Variants in WIPF3 observed in about 807,000 individuals in gnomAD.
WIPF3 encodes WAS/WASL interacting protein family member 3, also known as WAS/WASL-interacting protein family member 3.
A neutral mutation model predicts 38.9 loss-of-function variants in WIPF3; 33 were observed. The ratio of observed to expected loss-of-function variants is 0.85; its 90% CI spans 0.64 to 1.14. WIPF3 has a LOEUF of 1.14. WIPF3 is among the 50% of genes most tolerant of loss of function. WIPF3 has a pLI of 0.00. For synonymous variants in WIPF3, 324 were observed against 269.3 expected (o/e 1.20, Z -1.99); for missense variants, 711 against 652.5 (o/e 1.09, Z -0.98).
chr7:29,831,101 C>T (rs73686236), intron 1 of WIPF3, among the ~76,000 whole-genome samples: 3,871 of 152,264 alleles, frequency 0.025, 142 homozygotes, highest in African/African-American at 0.079. Context: ...AAGTGCTCCT[C>T]TCTCAGTCTG....
chr7:29,841,544 CT>C (rs1329617186), intron 2 of WIPF3, among the ~76,000 whole-genome samples: 1 of 152,216 alleles, frequency 6.6e-6, no homozygotes, highest in African/African-American at 2.4e-5. Flanking sequence ...GGCACAGTGG[CT>C]CAAGCCTGTA....
At position 29,868,546 on chromosome 7, in the gene WIPF3, A is replaced by C. The variant is rs903006019; in HGVS notation, c.91-7284A>C. Among the ~76,000 whole-genome samples the C allele has an allele frequency of 2.6e-5, 4 of 151,736 alleles. No homozygotes were observed. In the East Asian group the frequency reaches 5.8e-4, roughly 22 times the overall value. ...TATATATATATATATACACACACAT[A>C]CACAAATATATTAAATATATGTACA... On this transcript the variant is annotated intron_variant, in intron 2 of 8. Coordinates refer to ENST00000242140, the MANE Select transcript of WIPF3 (RefSeq NM_001080529.3).
intron 3 of WIPF3, among the ~76,000 whole-genome samples, chr7:29,877,078 A>G (rs1011213778): frequency 1.3e-5 from 2 of 152,250 alleles, no homozygotes; most frequent in Admixed American, 6.5e-5. Flanking sequence ...AATGATGAAG[A>G]TGACGTTAAC....
chr7:29,862,735 A>C (rs961814738), intron 2 of WIPF3, among the ~76,000 whole-genome samples: 2 of 152,156 alleles, frequency 1.3e-5, no homozygotes, highest in African/African-American at 2.4e-5. Context: ...TTATTTCTTT[A>C]TTTATCACAC....
intron 2 of WIPF3, among the ~76,000 whole-genome samples, chr7:29,845,921 G>T (rs552936616): frequency 1.2e-4 from 18 of 152,296 alleles, no homozygotes; most frequent in Admixed American, 1.1e-3. Context: ...TTTTCCATTT[G>T]CCGTGAGCCT....
intron 2 of WIPF3, among the ~76,000 whole-genome samples, chr7:29,867,784 C>A (rs916141944): frequency 6.6e-6 from 1 of 152,118 alleles, no homozygotes; most frequent in Non-Finnish European, 1.5e-5. Flanking sequence ...TGAATCAGGG[C>A]TGAAATGTGA....
At position 29,823,736 on chromosome 7, in the gene WIPF3, C is replaced by T. The variant is rs1443339785; in HGVS notation, c.-57-10932C>T. 6.6e-6 allele frequency among the ~76,000 whole-genome samples: 1 copy of T among 152,132 alleles called. No individual in the cohort carries two copies. Among genetic ancestry groups the T allele is most frequent in the African/African-American group, 2.4e-5 (1 of 41,420 alleles). ...GCGGTTTCTCATTATTGGTTTAGTG[C>T]CATCCCCTCATCGTTGCTCTTGTGA... On this transcript the variant is annotated intron_variant, in intron 1 of 8. Transcript: ENST00000242140. This position sits in a 1 kb window ranked among gnomAD's most constrained non-coding sequence, Gnocchi z 4.0.
chr7:29,873,937 C>T (rs1015423736), intron 2 of WIPF3, among the ~76,000 whole-genome samples: 6 of 152,270 alleles, frequency 3.9e-5, no homozygotes, highest in African/African-American at 1.4e-4. Flanking sequence ...CTGGTTTGTC[C>T]TTTTTTAAAC....
chr7:29,811,654 A>G (rs1784381030), intron 1 of WIPF3, among the ~76,000 whole-genome samples: 1 of 152,162 alleles, frequency 6.6e-6, no homozygotes, highest in African/African-American at 2.4e-5. Flanking sequence ...TGTTCAATGC[A>G]CTCACTGTTG....
rs780671399 is a variant in WIPF3 at position 29,904,373 on chromosome 7, C to A, written c.1428+11C>A. 1.2e-6 allele frequency: 2 copies of A among 1,613,096 alleles called. No homozygotes were observed. The highest frequency in any genetic ancestry group is 1.1e-5 in the South Asian group (1 of 91,046). ...GGCAGAAATTCTCAGGTAACACAAGCCTCATGTCTCTGAATGTAAAACCAG... is the reference window on the plus strand; with the variant it reads ...GGCAGAAATTCTCAGGTAACACAAGACTCATGTCTCTGAATGTAAAACCAG... On this transcript the variant is annotated intron_variant, in intron 8 of 8. Transcript: ENST00000242140.
intron 2 of WIPF3, among the ~76,000 whole-genome samples, chr7:29,861,146 G>C (rs1785267812): frequency 6.6e-6 from 1 of 152,078 alleles, no homozygotes; most frequent in African/African-American, 2.4e-5. Context: ...GCTCATTCCT[G>C]AGCCTCACCA....
chr7:29,898,065 C>T (rs79801817), intron 7 of WIPF3, among the ~76,000 whole-genome samples: 1,631 of 152,286 alleles, frequency 0.011, 34 homozygotes, highest in East Asian at 0.056. Context: ...CCCAGGCTTT[C>T]TCCCCTCAGC....
At chr7:29,890,366 AAAAAAAG>A (rs764499519) in intron 7 of WIPF3, among the ~76,000 whole-genome samples, 26 of 81,966 alleles carry the variant, frequency 3.2e-4, no homozygotes, top group African/African-American at 8.1e-4. Context: ...AAAAAAAAAA[AAAAAAAG>A]AGAGAGAGAG....
chr7:29,856,471 T>TA lies in WIPF3; in HGVS notation c.91-19352dup, dbSNP rs1418434818. Reference sequence around the variant, plus strand: ...AATGAGATCTCATCTCTACAAAAAATAAAAAAATTAGCCGAGCATGTTGGT... The same window carrying TA: ...AATGAGATCTCATCTCTACAAAAAATAAAAAAAATTAGCCGAGCATGTTGGT... On this transcript the variant is annotated intron_variant, in intron 2 of 8. Transcript: ENST00000242140. Among the ~76,000 whole-genome samples the TA allele has an allele frequency of 3.3e-5, 5 of 151,940 alleles. No individual in the cohort carries two copies. In the East Asian group the frequency reaches 9.6e-4, roughly 29 times the overall value.
intron 2 of WIPF3, among the ~76,000 whole-genome samples, chr7:29,855,219 C>A (rs892656962): frequency 2.0e-5 from 3 of 152,182 alleles, no homozygotes; most frequent in African/African-American, 7.2e-5. Context: ...TGTATCTTCA[C>A]CCCGTGCTCA....
At chr7:29,835,588 G>A (rs1276764835) in intron 2 of WIPF3, among the ~76,000 whole-genome samples, 1 of 152,032 alleles carries the variant, frequency 6.6e-6, no homozygotes, top group Non-Finnish European at 1.5e-5. Flanking sequence ...CCCCTTGTGG[G>A]GCAAAAATCA....
Position 29,914,569 on chromosome 7 carries a change from A to G in WIPF3, c.*53A>G. ...GTTCCAGGTTGCAGAACAACATGTC[A>G]GACCCCACCCACCCCATGCTCAAGC... On this transcript the variant is annotated 3_prime_UTR_variant, in exon 9 of 9. Coordinates refer to ENST00000242140, the MANE Select transcript of WIPF3 (RefSeq NM_001080529.3). The G allele has an allele frequency of 7.2e-7, 1 of 1,389,416 alleles. No homozygotes were observed. Among genetic ancestry groups the G allele is most frequent in the Non-Finnish European group, 9.6e-7 (1 of 1,042,334 alleles). 86.1% of individuals were successfully genotyped at this position (1,389,416 alleles called of 1,614,324 possible).
At chr7:29,859,631 C>T (rs927480143) in intron 2 of WIPF3, among the ~76,000 whole-genome samples, 10 of 152,092 alleles carry the variant, frequency 6.6e-5, no homozygotes, top group Admixed American at 6.6e-4. Context: ...GAGACACAAG[C>T]TCCCCTGAAA....
At chr7:29,903,744 G>C (rs756408466) in intron 7 of WIPF3, among the ~76,000 whole-genome samples, 1 of 152,176 alleles carries the variant, frequency 6.6e-6, no homozygotes, top group African/African-American at 2.4e-5. Context: ...TTTAGCCATG[G>C]TGACTCTGGG....
Sources: gnomAD v4.1 joint callset for allele counts (sites outside exome capture counted in the v4.1 genomes callset) on GRCh38, gnomAD v4.1.1 for gene constraint, Gnocchi (gnomAD v3.1) non-coding constraint, MANE v1.5 for transcripts, NCBI Gene and HGNC (gene_info 2026-07-23, HGNC 2026-07-21) for gene names.